Variants in PTPRQ observed in about 807,000 individuals in gnomAD.
PTPRQ encodes protein tyrosine phosphatase receptor type Q.
In PTPRQ, 199 loss-of-function variants were observed where a neutral mutation model predicts 246.0. That is an observed-to-expected ratio of 0.81 (90% confidence interval 0.72 to 0.91). The LOEUF (loss-of-function observed/expected upper bound fraction) is 0.91. PTPRQ is among the 40% of genes least tolerant of loss of function. The pLI, the probability that PTPRQ is intolerant of heterozygous loss-of-function variation, is 0.00. For missense variants in PTPRQ, 2,624 were observed against 2,528.4 expected, an observed-to-expected ratio of 1.04 and a Z score of -0.81; for synonymous variants, 869 against 853.2, an observed-to-expected ratio of 1.02 and a Z score of -0.32.
intron 39 of PTPRQ, among the ~76,000 whole-genome samples, chr12:80,665,230 A>G (rs1488697992): frequency 1.3e-5 from 2 of 152,010 alleles, no homozygotes; most frequent in South Asian, 2.1e-4. Flanking sequence ...AGCATCCAGC[A>G]TTTCCCAGTC....
At chr12:80,657,765 G>T (rs953185252) in intron 38 of PTPRQ, among the ~76,000 whole-genome samples, 4 of 151,622 alleles carry the variant, frequency 2.6e-5, no homozygotes, top group Admixed American at 1.3e-4. Context: ...AGAATATAAA[G>T]AATATGTATA....
At chr12:80,600,961 G>A (rs1565811562) in intron 26 of PTPRQ, among the ~76,000 whole-genome samples, 1 of 151,658 alleles carries the variant, frequency 6.6e-6, no homozygotes. Flanking sequence ...GACATACCAG[G>A]CGAAATCCTG....
intron 25 of PTPRQ, among the ~76,000 whole-genome samples, chr12:80,555,226 A>AT (rs894449726): frequency 1.7e-4 from 26 of 151,776 alleles, no homozygotes; most frequent in Non-Finnish European, 3.5e-4. Flanking sequence ...TGCCCAGCTA[A>AT]TTTTTTATTT....
intron 9 of PTPRQ, among the ~76,000 whole-genome samples, chr12:80,490,721 C>G (rs1345773521): frequency 6.6e-6 from 1 of 151,760 alleles, no homozygotes; most frequent in East Asian, 1.9e-4. Flanking sequence ...GGTTGGGAAC[C>G]CTGTATTAAA....
At chr12:80,638,614 C>T (rs2121188920) in intron 35 of PTPRQ, among the ~76,000 whole-genome samples, 1 of 152,212 alleles carries the variant, frequency 6.6e-6, no homozygotes, top group Non-Finnish European at 1.5e-5. Context: ...AAAACCCATT[C>T]TGTAATTTTT....
At chr12:80,582,990 C>T (rs1039809367) in intron 25 of PTPRQ, among the ~76,000 whole-genome samples, 6 of 152,210 alleles carry the variant, frequency 3.9e-5, no homozygotes, top group Admixed American at 1.3e-4. Context: ...TTGCCTACTT[C>T]GCCCCTTCCC....
At chr12:80,648,752 T>G in intron 35 of PTPRQ, 145 bp from the exon 36 acceptor site, 2 of 567,912 alleles carry the variant, frequency 3.5e-6, no homozygotes, top group Non-Finnish European at 5.4e-6. Context: ...TAAATAAAAT[T>G]TAAAATAATG....
At chr12:80,556,818 A>G (rs1014701463) in intron 25 of PTPRQ, among the ~76,000 whole-genome samples, 7 of 152,136 alleles carry the variant, frequency 4.6e-5, no homozygotes, top group African/African-American at 1.4e-4. Context: ...GAAAACACAT[A>G]GTGGAGAAAG....
At chr12:80,454,947 C>T (rs150204307) in intron 3 of PTPRQ, among the ~76,000 whole-genome samples, 14 of 152,264 alleles carry the variant, frequency 9.2e-5, no homozygotes, top group Admixed American at 2.0e-4. Context: ...GAGGCCGAGG[C>T]GGGCGGATCA....
intron 33 of PTPRQ, among the ~76,000 whole-genome samples, chr12:80,627,567 A>T (rs17007025): frequency 0.015 from 2,226 of 152,050 alleles, 49 homozygotes; most frequent in African/African-American, 0.051. Flanking sequence ...AGACTTAAAA[A>T]GTTGGATACA....
At chr12:80,518,624 T>C (rs1032029314) in intron 17 of PTPRQ, among the ~76,000 whole-genome samples, 2 of 152,192 alleles carry the variant, frequency 1.3e-5, no homozygotes, top group Non-Finnish European at 1.5e-5. Flanking sequence ...TAGATTTAAG[T>C]CTTTAATCCA....
At chr12:80,535,874 G>A (rs1467036850) in intron 19 of PTPRQ, among the ~76,000 whole-genome samples, 1 of 152,176 alleles carries the variant, frequency 6.6e-6, no homozygotes, top group African/African-American at 2.4e-5. Flanking sequence ...TTGGGAGGCC[G>A]AGGCGGGCGG....
At chr12:80,510,871 A>T (rs950200952) in intron 17 of PTPRQ, among the ~76,000 whole-genome samples, 3 of 152,144 alleles carry the variant, frequency 2.0e-5, no homozygotes, top group Non-Finnish European at 4.4e-5. Flanking sequence ...TCAATTTTTA[A>T]TTTGAAATGT....
chr12:80,606,024 A>T (rs530568771), intron 27 of PTPRQ, among the ~76,000 whole-genome samples: 1 of 151,214 alleles, frequency 6.6e-6, no homozygotes, highest in African/African-American at 2.4e-5. Flanking sequence ...AAACCTATAG[A>T]ATTTGGTGAA....
At chr12:80,520,197 T>A (rs144251400) in intron 17 of PTPRQ, among the ~76,000 whole-genome samples, 7 of 152,220 alleles carry the variant, frequency 4.6e-5, no homozygotes, top group African/African-American at 1.7e-4. Context: ...TTGAATTGTA[T>A]CTCCCATAAT....
intron 17 of PTPRQ, among the ~76,000 whole-genome samples, chr12:80,524,149 G>A (rs964118624): frequency 2.0e-5 from 3 of 152,050 alleles, no homozygotes; most frequent in Admixed American, 2.0e-4. Context: ...GATCTTTGTT[G>A]GTTTAAAGTC....
At chr12:80,659,044 A>T (rs1055231405) in intron 39 of PTPRQ, among the ~76,000 whole-genome samples, 3 of 151,994 alleles carry the variant, frequency 2.0e-5, no homozygotes, top group Non-Finnish European at 4.4e-5. Flanking sequence ...TTACAATCAT[A>T]TATTGGGTCC....
At chr12:80,668,292 G>C (rs1343080323) in intron 39 of PTPRQ, among the ~76,000 whole-genome samples, 1 of 151,718 alleles carries the variant, frequency 6.6e-6, no homozygotes, top group African/African-American at 2.4e-5. Context: ...AGAGAAATTT[G>C]ATAAATATAC....
intron 39 of PTPRQ, among the ~76,000 whole-genome samples, chr12:80,664,760 T>C (rs1381609987): frequency 6.6e-6 from 1 of 152,090 alleles, no homozygotes; most frequent in East Asian, 1.9e-4. Flanking sequence ...ATCAATTAAC[T>C]ACTCAGAAAA....
Sources: allele counts gnomAD v4.1 joint callset (sites outside exome capture counted in the v4.1 genomes callset), GRCh38; gene constraint gnomAD v4.1.1; transcripts MANE v1.5; gene names NCBI Gene and HGNC (gene_info 2026-07-23, HGNC 2026-07-21).